ABCE1: variants seen among roughly 807,000 people sequenced by gnomAD.
The protein encoded by ABCE1 is ATP binding cassette subfamily E member 1.
In ABCE1, 22 loss-of-function variants were observed where a neutral mutation model predicts 83.4. That is an observed-to-expected ratio of 0.26 (90% CI 0.19 to 0.38). The LOEUF (loss-of-function observed/expected upper bound fraction) is 0.38, where lower values mean the gene tolerates loss of function less well. ABCE1 is among the 10% of genes least tolerant of loss of function. The pLI, the probability that ABCE1 is intolerant of heterozygous loss-of-function variation, is 1.00. For missense variants in ABCE1, 330 were observed against 721.9 expected (o/e 0.46, Z 6.22); for synonymous variants, 204 against 233.7 (o/e 0.87, Z 1.16).
At chr4:145,100,828 T>C (rs865876561) in intron 1 of ABCE1, among the ~76,000 whole-genome samples, 2 of 152,242 alleles carry the variant, frequency 1.3e-5, no homozygotes, top group African/African-American at 4.8e-5. Context: ...AAAGTTGTTA[T>C]AACCTACAGG....
intron 17 of ABCE1, 23 bp downstream of exon 17, chr4:145,125,124 A>C: frequency 6.8e-7 from 1 of 1,481,160 alleles, no homozygotes. Context: ...GTTGTCTTAA[A>C]TCATGGATTA....
intron 9 of ABCE1, among the ~76,000 whole-genome samples, chr4:145,116,587 C>G (rs896656993): frequency 1.3e-5 from 2 of 151,648 alleles, no homozygotes; most frequent in African/African-American, 4.8e-5. Context: ...GAATGGTGTT[C>G]GATATGGAAA....
intron 8 of ABCE1, 85 bp from the exon 9 acceptor site, chr4:145,112,154 A>G: frequency 1.1e-6 from 1 of 909,472 alleles, no homozygotes; most frequent in Non-Finnish European, 1.6e-6. Flanking sequence ...AAAGCTCTTG[A>G]TACTACAGTG....
intron 1 of ABCE1, among the ~76,000 whole-genome samples, chr4:145,104,096 C>T (rs182880295): frequency 6.6e-6 from 1 of 151,832 alleles, no homozygotes; most frequent in East Asian, 1.9e-4. Flanking sequence ...GTGTATATAT[C>T]TTGTTGAGTA....
At position 145,117,368 on chromosome 4, in the gene ABCE1, A is replaced by C. The variant is rs990793029; in HGVS notation, c.876A>C (p.Val292=). The stretch of plus-strand genomic sequence containing the variant: ...ACTTCATCTGCTGTTTATATGGTGT[A>C]CCAAGCGCCTATGGAGTTGTCACTA... The part of the protein sequence containing the change: ...LSDFICCLYG[V]PSAYGVVTMP... Residue 292 remains valine (V), a synonymous_variant, in exon 10 of 18, where the codon GTA becomes GTC. Coordinates refer to ENST00000296577, the MANE Select transcript of ABCE1 (RefSeq NM_002940.3). 7 of 1,611,302 alleles carry C rather than the reference A, an allele frequency of 4.3e-6. No individual in the cohort carries two copies. The Admixed American group carries it at 6.7e-5, about 15-fold the overall frequency.
intron 9 of ABCE1, among the ~76,000 whole-genome samples, chr4:145,116,794 A>G (rs1749618268): frequency 6.6e-6 from 1 of 151,894 alleles, no homozygotes; most frequent in African/African-American, 2.4e-5. Context: ...TCTGTGGAGC[A>G]TATTTTGCCA....
chr4:145,120,279 C>A, intron 11 of ABCE1, 126 bp downstream of exon 11: 1 of 781,238 alleles, frequency 1.3e-6, no homozygotes, highest in Non-Finnish European at 2.0e-6. Flanking sequence ...TTTAAACCCA[C>A]AAATTTCTTA....
chr4:145,126,488 G>A (rs1749891636), intron 17 of ABCE1, among the ~76,000 whole-genome samples: 1 of 152,008 alleles, frequency 6.6e-6, no homozygotes, highest in Non-Finnish European at 1.5e-5. Context: ...ATAGAGATGG[G>A]GTTTCACCAT....
At chr4:145,117,215 G>T in intron 9 of ABCE1, 78 bp from the exon 10 acceptor site, 1 of 1,251,260 alleles carries the variant, frequency 8.0e-7, no homozygotes, top group Non-Finnish European at 1.1e-6. Flanking sequence ...TTTATTAGAT[G>T]TATCTCTTTT....
At chr4:145,104,590 G>T in intron 2 of ABCE1, 75 bp downstream of exon 2, 1 of 956,392 alleles carries the variant, frequency 1.0e-6, no homozygotes, top group Non-Finnish European at 1.5e-6. Flanking sequence ...AATTCTTTAC[G>T]GACATTAACA....
intron 1 of ABCE1, among the ~76,000 whole-genome samples, chr4:145,099,243 A>G (rs1299874407): frequency 2.6e-5 from 4 of 152,224 alleles, no homozygotes; most frequent in Non-Finnish European, 4.4e-5. Context: ...CCCATTAACT[A>G]CATAAGCTTA....
chr4:145,112,184 G>C, intron 8 of ABCE1, 55 bp from the exon 9 acceptor site: 1 of 1,273,682 alleles, frequency 7.9e-7, no homozygotes, highest in Non-Finnish European at 1.1e-6. Context: ...AGTATGTAAG[G>C]TAGAATGTCT....
At chr4:145,121,609 C>CGTG in intron 13 of ABCE1, 1 of 442,936 alleles carries the variant, frequency 2.3e-6, no homozygotes, top group Non-Finnish European at 4.1e-6. Context: ...TGCAGTAGCT[C>CGTG]ACGCCTGTAA....
chr4:145,119,129 C>T (rs983668839), intron 10 of ABCE1, among the ~76,000 whole-genome samples: 1 of 151,778 alleles, frequency 6.6e-6, no homozygotes, highest in African/African-American at 2.4e-5. Context: ...TATTGAACAC[C>T]TGTGTTCTAG....
At chr4:145,127,011 A>G (rs781762539) in intron 17 of ABCE1, among the ~76,000 whole-genome samples, 43 of 152,194 alleles carry the variant, frequency 2.8e-4, no homozygotes, top group Non-Finnish European at 4.4e-4. Context: ...TTCAGTCACC[A>G]TGAGTTATCA....
At chr4:145,126,062 C>T (rs375465485) in intron 17 of ABCE1, among the ~76,000 whole-genome samples, 5 of 151,896 alleles carry the variant, frequency 3.3e-5, no homozygotes, top group African/African-American at 4.8e-5. Context: ...CCGCAACCCC[C>T]GCAAAAAAAG....
chr4:145,117,268 A>G, intron 9 of ABCE1, 25 bp from the exon 10 acceptor site: 1 of 1,579,380 alleles, frequency 6.3e-7, no homozygotes, highest in Non-Finnish European at 8.6e-7. Flanking sequence ...TAAGAGTTTT[A>G]ACTAAAATCT....
chr4:145,101,061 A>T (rs147511909), intron 1 of ABCE1, among the ~76,000 whole-genome samples: 1 of 150,952 alleles, frequency 6.6e-6, no homozygotes, highest in East Asian at 1.9e-4. Context: ...TACACCAGAT[A>T]TATATAAAAA....
intron 8 of ABCE1, among the ~76,000 whole-genome samples, chr4:145,111,955 T>C (rs1222346786): frequency 6.6e-6 from 1 of 152,224 alleles, no homozygotes; most frequent in Admixed American, 6.5e-5. Context: ...CTTGAGACTA[T>C]ATCAGAATAC....
Sources: gnomAD v4.1 joint callset for allele counts (sites outside exome capture counted in the v4.1 genomes callset) on GRCh38, gnomAD v4.1.1 for gene constraint, MANE v1.5 for transcripts, NCBI Gene and HGNC (gene_info 2026-07-23, HGNC 2026-07-21) for gene names.